Variants in NANS observed in about 807,000 individuals in gnomAD.
The protein encoded by NANS is N-acetylneuraminate-9-phosphate synthase.
NANS carries 29 observed loss-of-function variants against 33.3 expected under a neutral mutation model. The observed-to-expected ratio is 0.87, with a 90% CI of 0.65 to 1.19. NANS has a LOEUF of 1.19. Among genes scored for constraint, NANS ranks in the 50% most tolerant of loss-of-function variants. The probability of loss-of-function intolerance (pLI) is 0.00; values close to 1 mark genes in which losing one functional copy is unlikely to be tolerated. For synonymous variants in NANS, 163 were observed against 177.2 expected (o/e 0.92, Z 0.64); for missense variants, 394 against 461.1 (o/e 0.85, Z 1.33).
At position 98,060,859 on chromosome 9, in the gene NANS, A is replaced by G. The variant is rs749041746; in HGVS notation, c.210A>G (p.Pro70=). Reference sequence around the variant, plus strand: ...TTAATCGGAAAGCCTTGGAGAGGCCATACACCTCGAAGCATTCCTGGGGGA... The same window carrying G: ...TTAATCGGAAAGCCTTGGAGAGGCCGTACACCTCGAAGCATTCCTGGGGGA... ...FKFNRKALER[P]YTSKHSWGKT... The change falls in exon 2 of 6, where the codon CCA becomes CCG. Residue 70 remains proline, a synonymous_variant. Coordinates refer to ENST00000210444, the MANE Select transcript of NANS (RefSeq NM_018946.4). 12 of 1,614,206 alleles carry G rather than the reference A, an allele frequency of 7.4e-6. No homozygotes were observed. In the South Asian group the frequency reaches 1.3e-4, roughly 18 times the overall value.
At chr9:98,060,353 G>A (rs772104060) in intron 1 of NANS, among the ~76,000 whole-genome samples, 2 of 152,080 alleles carry the variant, frequency 1.3e-5, no homozygotes, top group Non-Finnish European at 2.9e-5. Context: ...TAAGGTCTCT[G>A]TCAGTCTATG....
Position 98,078,218 on chromosome 9 carries a change from G to C in NANS, c.474G>C (p.Gly158=), listed in dbSNP as rs1335504423. The C allele has an allele frequency of 1.9e-6, 3 of 1,614,192 alleles. No homozygotes were observed. Among genetic ancestry groups the C allele is most frequent in the Non-Finnish European group, 2.5e-6 (3 of 1,180,044 alleles). The stretch of plus-strand genomic sequence containing the variant: ...GTCGCCCAATGGTGATCTCCAGTGG[G>C]ATGCAGTCAATGGACACCATGAAGC... ...KKGRPMVISS[G]MQSMDTMKQV... is the part of the protein sequence containing the mutation. Residue 158 remains glycine (G), a synonymous_variant, in exon 4 of 6, where the codon GGG becomes GGC. Transcript: ENST00000210444.
chr9:98,076,648 G>A (rs908433573), intron 2 of NANS: 2 of 390,102 alleles, frequency 5.1e-6, no homozygotes, highest in Middle Eastern at 7.1e-4. Context: ...GTGCAGGCAT[G>A]AGCCACCACG....
chr9:98,057,863 G>T (rs1387374173), intron 1 of NANS, among the ~76,000 whole-genome samples: 1 of 145,684 alleles, frequency 6.9e-6, no homozygotes, highest in Non-Finnish European at 1.5e-5. Context: ...TAGAGACAGG[G>T]TCTTGCTCTG....
chr9:98,069,161 C>T (rs1316901414), intron 2 of NANS: 1 of 152,164 alleles, frequency 6.6e-6, no homozygotes, highest in Non-Finnish European at 1.5e-5. Flanking sequence ...AACTTTTATT[C>T]TTAGTAGCTC....
At position 98,078,180 on chromosome 9, in the gene NANS, C is replaced by T; in HGVS notation, c.449-13C>T. The T allele has an allele frequency of 6.2e-7, 1 of 1,614,140 alleles. No individual in the cohort carries two copies. The highest frequency in any genetic ancestry group is 8.5e-7 in the Non-Finnish European group (1 of 1,179,986). On this transcript the variant is annotated splice_polypyrimidine_tract_variant and intron_variant, in intron 3 of 5. Transcript: ENST00000210444. ...AGAGAAAGTGCTGATGGTGTTGGTG[C>T]TGGATTACTCAGGTCGCCCAATGGT... is the stretch of plus-strand genomic sequence containing the variant.
intron 2 of NANS, among the ~76,000 whole-genome samples, chr9:98,064,992 A>G (rs1829093737): frequency 6.6e-6 from 1 of 152,136 alleles, no homozygotes; most frequent in African/African-American, 2.4e-5. Flanking sequence ...TCAGTTAATT[A>G]CTGCCCTGCA....
intron 1 of NANS, among the ~76,000 whole-genome samples, chr9:98,060,500 C>T (rs1164082250): frequency 6.6e-6 from 1 of 152,086 alleles, no homozygotes; most frequent in Non-Finnish European, 1.5e-5. Context: ...GAAACCTTGT[C>T]TTTACTAAAA....
At chr9:98,063,722 T>A (rs1404512909) in intron 2 of NANS, among the ~76,000 whole-genome samples, 2 of 151,828 alleles carry the variant, frequency 1.3e-5, no homozygotes, top group Non-Finnish European at 2.9e-5. Context: ...AAAAAAAAAT[T>A]TATAGAGACA....
intron 1 of NANS, among the ~76,000 whole-genome samples, chr9:98,057,847 CTA>C (rs974511182): frequency 4.3e-5 from 3 of 70,546 alleles, no homozygotes; most frequent in African/African-American, 1.5e-4. Flanking sequence ...ATTTATTTAT[CTA>C]TGTTAGAGAC....
At chr9:98,073,764 C>A (rs1378826972) in intron 2 of NANS, among the ~76,000 whole-genome samples, 1 of 151,856 alleles carries the variant, frequency 6.6e-6, no homozygotes, top group Admixed American at 6.6e-5. Flanking sequence ...GTGTTGTCCA[C>A]CCTCATTCAT....
intron 2 of NANS, among the ~76,000 whole-genome samples, chr9:98,065,291 G>A (rs1283692592): frequency 1.4e-5 from 2 of 139,004 alleles, no homozygotes; most frequent in Non-Finnish European, 3.1e-5. Context: ...CTTTTAAAGT[G>A]TTAGTCACTC....
intron 5 of NANS, chr9:98,082,083 A>G (rs945979703): frequency 2.0e-5 from 3 of 152,186 alleles, no homozygotes; most frequent in African/African-American, 7.2e-5. Context: ...ATATAGAGTA[A>G]TAAAACACGT....
chr9:98,077,018 G>T lies in NANS; in HGVS notation c.448+1G>T, dbSNP rs779218846. The stretch of plus-strand genomic sequence containing the variant: ...TATCTGGAAAAGACAGCCAAAAAAG[G>T]TAAGTGTCTAATTTTTGACTTAAAA... On this transcript the variant is annotated splice_donor_variant, in intron 3 of 5. Coordinates refer to ENST00000210444, the MANE Select transcript of NANS (RefSeq NM_018946.4). LOFTEE classifies it high-confidence loss of function. 6.2e-7 allele frequency: 1 copy of T among 1,601,122 alleles called. No homozygotes were observed.
intron 2 of NANS, among the ~76,000 whole-genome samples, chr9:98,073,863 T>C (rs1001962501): frequency 2.6e-5 from 4 of 152,148 alleles, no homozygotes; most frequent in Non-Finnish European, 5.9e-5. Flanking sequence ...CTCAGCTCAG[T>C]GCAGCCTCAA....
At chr9:98,073,525 T>C (rs1305594903) in intron 2 of NANS, among the ~76,000 whole-genome samples, 2 of 151,344 alleles carry the variant, frequency 1.3e-5, no homozygotes, top group Middle Eastern at 3.4e-3. Flanking sequence ...CCTCGTGATC[T>C]GCCCGCCACG....
intron 2 of NANS, among the ~76,000 whole-genome samples, chr9:98,066,620 C>T (rs1829155253): frequency 1.3e-5 from 2 of 151,620 alleles, no homozygotes; most frequent in African/African-American, 2.4e-5. Context: ...CTCAATTGCC[C>T]CAATTCTCCC....
intron 2 of NANS, among the ~76,000 whole-genome samples, chr9:98,064,845 C>T (rs972058371): frequency 1.3e-5 from 2 of 152,180 alleles, no homozygotes; most frequent in Non-Finnish European, 2.9e-5. Context: ...GGAGAGTCTC[C>T]GCATGCACCA....
At chr9:98,065,483 ATTTTTTTTTTTTTTT>A (rs397837187) in intron 2 of NANS, among the ~76,000 whole-genome samples, 5 of 58,650 alleles carry the variant, frequency 8.5e-5, no homozygotes, top group Admixed American at 2.7e-4. Flanking sequence ...TGCCCAGCTA[ATTTTTTTTTTTTTTT>A]TTTTTTTTTT....
Sources: gnomAD v4.1 joint callset for allele counts (sites outside exome capture counted in the v4.1 genomes callset) on GRCh38, gnomAD v4.1.1 for gene constraint, MANE v1.5 for transcripts, NCBI Gene and HGNC (gene_info 2026-07-23, HGNC 2026-07-21) for gene names.